The following SGCZ variants were observed in gnomAD, a reference collection of about 807,000 sequenced individuals.
The protein encoded by SGCZ is sarcoglycan zeta, also known as zeta-sarcoglycan.
SGCZ carries 40 observed loss-of-function variants against 41.3 expected under a neutral mutation model. The ratio of observed to expected loss-of-function variants is 0.97; its 90% CI spans 0.75 to 1.26. The LOEUF (loss-of-function observed/expected upper bound fraction) is 1.26. Among genes scored for constraint, SGCZ ranks in the 50% most tolerant of loss-of-function variants. The pLI is 0.00. For synonymous variants in SGCZ, 206 were observed against 137.5 expected, an observed-to-expected ratio of 1.50 and a Z score of -3.49; for missense variants, 552 against 369.8, an observed-to-expected ratio of 1.49 and a Z score of -4.04.
chr8:15,009,987 T>C (rs181254599), intron 1 of SGCZ, among the ~76,000 whole-genome samples: 10 of 152,134 alleles, frequency 6.6e-5, no homozygotes, highest in African/African-American at 2.4e-4. Context: ...GCACAAAGAG[T>C]CCGCTGCTTT....
At chr8:14,901,584 C>T (rs1395574579) in intron 1 of SGCZ, among the ~76,000 whole-genome samples, 2 of 152,002 alleles carry the variant, frequency 1.3e-5, no homozygotes, top group Admixed American at 6.6e-5. Context: ...CTGTTAGGTT[C>T]TTCACACATT....
chr8:14,317,563 T>C (rs1381999604), intron 3 of SGCZ, among the ~76,000 whole-genome samples: 1 of 151,642 alleles, frequency 6.6e-6, no homozygotes, highest in Non-Finnish European at 1.5e-5. Flanking sequence ...AAAACGGAAT[T>C]GAAAATCTAT....
At chr8:14,792,070 A>T (rs1585263833) in intron 1 of SGCZ, among the ~76,000 whole-genome samples, 1 of 152,192 alleles carries the variant, frequency 6.6e-6, no homozygotes. Context: ...TAAACAGGAA[A>T]CACTGCATTA....
intron 2 of SGCZ, among the ~76,000 whole-genome samples, chr8:14,514,440 T>C (rs1461026731): frequency 6.6e-6 from 1 of 151,948 alleles, no homozygotes; most frequent in African/African-American, 2.4e-5. Context: ...AGAGAATTAG[T>C]GTAAAACTCA....
At chr8:14,500,674 C>A (rs567752066) in intron 2 of SGCZ, among the ~76,000 whole-genome samples, 1 of 152,026 alleles carries the variant, frequency 6.6e-6, no homozygotes, top group East Asian at 1.9e-4. Context: ...CAGTTCTAAT[C>A]TTAGTTGATA....
chr8:14,538,055 C>T (rs966744827), intron 2 of SGCZ, among the ~76,000 whole-genome samples: 2 of 151,898 alleles, frequency 1.3e-5, no homozygotes, highest in Non-Finnish European at 2.9e-5. Context: ...GCCCACTGGA[C>T]ATCTTTCACT....
At chr8:15,236,136 C>G (rs771308449) in intron 1 of SGCZ, among the ~76,000 whole-genome samples, 1 of 152,202 alleles carries the variant, frequency 6.6e-6, no homozygotes, top group East Asian at 1.9e-4. Flanking sequence ...ACTCAGTCTT[C>G]GGTGGAAGTG....
chr8:15,138,939 G>C (rs1008139207), intron 1 of SGCZ, among the ~76,000 whole-genome samples: 4 of 152,202 alleles, frequency 2.6e-5, no homozygotes, highest in Admixed American at 2.6e-4. Context: ...ATGCCAACGA[G>C]AAAAATCAAA....
chr8:14,367,300 C>A (rs1417882452), intron 2 of SGCZ, among the ~76,000 whole-genome samples: 2 of 152,060 alleles, frequency 1.3e-5, no homozygotes, highest in East Asian at 1.9e-4. Context: ...TTGGTCAAAG[C>A]CATTTGACAT....
chr8:14,220,847 C>T (rs906360223), intron 4 of SGCZ, among the ~76,000 whole-genome samples: 1 of 151,904 alleles, frequency 6.6e-6, no homozygotes, highest in African/African-American at 2.4e-5. Flanking sequence ...GCCACTTCTA[C>T]CATTTAAAGG....
intron 1 of SGCZ, among the ~76,000 whole-genome samples, chr8:14,880,025 G>A (rs1804526849): frequency 6.6e-6 from 1 of 151,934 alleles, no homozygotes; most frequent in Non-Finnish European, 1.5e-5. Flanking sequence ...ATTTTTAGTA[G>A]AGACTGTGTT....
At chr8:14,954,681 CA>C (rs1800740609) in intron 1 of SGCZ, among the ~76,000 whole-genome samples, 1 of 152,104 alleles carries the variant, frequency 6.6e-6, no homozygotes, top group African/African-American at 2.4e-5. Flanking sequence ...TTCGGTTCCA[CA>C]ATCTGTAGGA....
At chr8:14,868,640 G>A (rs891025127) in intron 1 of SGCZ, among the ~76,000 whole-genome samples, 1 of 151,960 alleles carries the variant, frequency 6.6e-6, no homozygotes, top group Non-Finnish European at 1.5e-5. Context: ...ACATATTGAT[G>A]GGAAAGAGAC....
At chr8:14,131,638 T>C (rs763169800) in intron 5 of SGCZ, among the ~76,000 whole-genome samples, 2 of 152,216 alleles carry the variant, frequency 1.3e-5, no homozygotes, top group African/African-American at 2.4e-5. Context: ...TACATCATGT[T>C]TGTTAAGCTT....
intron 2 of SGCZ, among the ~76,000 whole-genome samples, chr8:14,343,683 C>T (rs1802791720): frequency 6.6e-6 from 1 of 152,086 alleles, no homozygotes; most frequent in South Asian, 2.1e-4. Flanking sequence ...ATCTTAGAGA[C>T]AGAATAATCT....
At chr8:14,887,612 A>T (rs1053674634) in intron 1 of SGCZ, among the ~76,000 whole-genome samples, 3 of 152,196 alleles carry the variant, frequency 2.0e-5, no homozygotes, top group African/African-American at 7.2e-5. Flanking sequence ...ACACATACAC[A>T]ATCATATAAA....
chr8:14,958,772 A>G (rs1427825705), intron 1 of SGCZ, among the ~76,000 whole-genome samples: 3 of 152,140 alleles, frequency 2.0e-5, no homozygotes, highest in Admixed American at 6.6e-5. Context: ...GCATGCTTAA[A>G]TATTTAGGCG....
chr8:14,209,612 C>T (rs1805732912), intron 4 of SGCZ, among the ~76,000 whole-genome samples: 1 of 152,042 alleles, frequency 6.6e-6, no homozygotes, highest in Non-Finnish European at 1.5e-5. Context: ...AGGACATGTT[C>T]ATATTATATT....
At chr8:15,147,124 A>T (rs957059319) in intron 1 of SGCZ, among the ~76,000 whole-genome samples, 2 of 152,174 alleles carry the variant, frequency 1.3e-5, no homozygotes, top group Admixed American at 6.5e-5. Context: ...TTATCCAAGC[A>T]GTATACCTAT....
Sources: allele counts gnomAD v4.1 joint callset (sites outside exome capture counted in the v4.1 genomes callset), GRCh38; gene constraint gnomAD v4.1.1; transcripts MANE v1.5; gene names NCBI Gene and HGNC (gene_info 2026-07-23, HGNC 2026-07-21).